The following SMG6 variants were observed in gnomAD, a reference collection of about 807,000 sequenced individuals.
SMG6 encodes telomerase-binding protein EST1A.
In SMG6, 66 loss-of-function variants were observed where a neutral mutation model predicts 142.2. That is an observed-to-expected ratio of 0.46 (90% CI 0.38 to 0.57). The LOEUF is 0.57. SMG6 is among the 20% of genes least tolerant of loss of function. SMG6 has a pLI of 0.00. For missense variants in SMG6, 1,793 were observed against 1,832.0 expected (o/e 0.98, Z 0.39); for synonymous variants, 779 against 702.4 (o/e 1.11, Z -1.72).
At chr17:2,262,642 C>T (rs1184949072) in intron 8 of SMG6, among the ~76,000 whole-genome samples, 2 of 152,212 alleles carry the variant, frequency 1.3e-5, no homozygotes, top group Non-Finnish European at 2.9e-5. Context: ...GGTCGCTCTA[C>T]CTGTTCACCC....
intron 13 of SMG6, among the ~76,000 whole-genome samples, chr17:2,113,579 A>G (rs1351101984): frequency 6.6e-6 from 1 of 152,194 alleles, no homozygotes; most frequent in Non-Finnish European, 1.5e-5. Flanking sequence ...TTTCTCTTAC[A>G]CAGCTGCCAA....
intron 13 of SMG6, among the ~76,000 whole-genome samples, chr17:2,128,086 T>C (rs1468282664): frequency 1.3e-5 from 2 of 152,164 alleles, no homozygotes; most frequent in Non-Finnish European, 2.9e-5. Context: ...CTGCAGGAAG[T>C]GAGTATAGGC....
rs1343763876 is a variant in SMG6, at chr17:2,151,426, C to CT, written c.3357+21231dup. On this transcript the variant is annotated intron_variant, in intron 13 of 18. Coordinates refer to ENST00000263073, the MANE Select transcript of SMG6 (RefSeq NM_017575.5). ...TGCTTACAAAAAGACATGCAAATAACTGAGATTCACGAAGGCTCAGAAATT... is the reference window on the plus strand; with the variant it reads ...TGCTTACAAAAAGACATGCAAATAACTTGAGATTCACGAAGGCTCAGAAATT... 2.0e-5 allele frequency among the ~76,000 whole-genome samples: 3 copies of CT among 152,148 alleles called. No homozygotes were observed. The East Asian group carries it at 5.8e-4, about 29-fold the overall frequency.
At chr17:2,186,256 C>CTAAA (rs1567667465) in intron 12 of SMG6, among the ~76,000 whole-genome samples, 3 of 111,180 alleles carry the variant, frequency 2.7e-5, no homozygotes, top group African/African-American at 9.3e-5. Flanking sequence ...TACCCTGTTT[C>CTAAA]AAAAAAAAAA....
chr17:2,243,674 T>C (rs1482769872), intron 9 of SMG6, among the ~76,000 whole-genome samples: 5 of 152,126 alleles, frequency 3.3e-5, no homozygotes, highest in Non-Finnish European at 7.4e-5. Context: ...AGCAAGGCTC[T>C]GTCTCAAAAA....
At chr17:2,266,087 C>CT in intron 8 of SMG6, 6 of 985,360 alleles carry the variant, frequency 6.1e-6, no homozygotes, top group Non-Finnish European at 7.2e-6. Flanking sequence ...GGATCTAGTA[C>CT]TTTCTGTTCA....
At chr17:2,162,622 G>T (rs1597496532) in intron 13 of SMG6, among the ~76,000 whole-genome samples, 1 of 151,666 alleles carries the variant, frequency 6.6e-6, no homozygotes, top group South Asian at 2.1e-4. Flanking sequence ...TTGAAGCCAG[G>T]AGTTCAAGAC....
Position 2,110,809 on chromosome 17 carries a change from C to A in SMG6, c.3358-24908G>T, listed in dbSNP as rs1197288781. On this transcript the variant is annotated intron_variant, in intron 13 of 18. Transcript: ENST00000263073. Reference sequence around the variant, plus strand: ...GCACGCTGCCCAGAAAGAGCTCCCACCCCAGAGGAATCAATATCAGGAGGG... The same window carrying A: ...GCACGCTGCCCAGAAAGAGCTCCCAACCCAGAGGAATCAATATCAGGAGGG... 2.0e-5 allele frequency among the ~76,000 whole-genome samples: 3 copies of A among 152,140 alleles called. 1 individual carries two copies. Among genetic ancestry groups the A allele is most frequent in the South Asian group, 2.1e-4 (1 of 4,824 alleles).
At chr17:2,211,523 G>A (rs904207653) in intron 10 of SMG6, among the ~76,000 whole-genome samples, 44 of 152,222 alleles carry the variant, frequency 2.9e-4, no homozygotes, top group African/African-American at 1.0e-3. Flanking sequence ...AATTAGCCGG[G>A]CGTGGTGGTG....
chr17:2,102,533 T>TA, intron 13 of SMG6, among the ~76,000 whole-genome samples: 1 of 140,158 alleles, frequency 7.1e-6, no homozygotes, highest in African/African-American at 2.7e-5. Context: ...ATTTCATTTT[T>TA]TTTTTTTTTT....
In SMG6 at chr17:2,061,610, C is replaced by T. The variant is rs1394713504; in HGVS notation, c.4142G>A (p.Arg1381Gln). The T allele has an allele frequency of 3.8e-6, 6 of 1,571,864 alleles. No individual in the cohort carries two copies. The highest frequency in any genetic ancestry group is 1.8e-5 in the Admixed American group (1 of 54,106). Reference sequence around the variant, plus strand: ...CAACAGCACCACCTCCCGCAGTAGCCGGATTGGCTCCTCTGTGGGCATGAG... The same window carrying T: ...CAACAGCACCACCTCCCGCAGTAGCTGGATTGGCTCCTCTGTGGGCATGAG... ...FMPASKEEPI[R>Q]LLREVVLLTD... The change falls in exon 19 of 19, where the codon CGG (arginine) becomes CAG (glutamine). Residue 1381 changes from arginine (R) to glutamine (Q), a missense_variant. Arg to Gln is a conservative substitution (Grantham distance 43). Coordinates refer to ENST00000263073, the MANE Select transcript of SMG6 (RefSeq NM_017575.5).
chr17:2,255,515 T>C (rs2074152289), intron 8 of SMG6, among the ~76,000 whole-genome samples: 1 of 151,874 alleles, frequency 6.6e-6, no homozygotes, highest in South Asian at 2.1e-4. Flanking sequence ...TTGTTCTGGA[T>C]GTTTAGAAAA....
Position 2,292,652 on chromosome 17 carries a change from G to A in SMG6, c.2259-22C>T, listed in dbSNP as rs183768144. The A allele has an allele frequency of 1.7e-3, 2,669 of 1,612,400 alleles. 9 individuals are homozygous for A. The highest frequency in any genetic ancestry group is 2.1e-3 in the Non-Finnish European group (2,460 of 1,178,778). ...CCAACTAGAACAGAAAAAACAGTAA[G>A]AAAATGCTAGTTCCAGATTAGCTTT... is the stretch of plus-strand genomic sequence containing the variant. On this transcript the variant is annotated intron_variant, in intron 5 of 18. Transcript: ENST00000263073.
In SMG6 at chr17:2,303,547, G is replaced by A. The variant is rs996512112; in HGVS notation, c.88+86C>T. The A allele has an allele frequency of 5.2e-6, 7 of 1,345,072 alleles. No individual in the cohort carries two copies. In the South Asian group the frequency reaches 5.5e-5, roughly 10 times the overall value. 83.3% of individuals were successfully genotyped at this position (1,345,072 alleles called of 1,614,324 possible). On this transcript the variant is annotated intron_variant, in intron 1 of 18. Transcript: ENST00000263073. ...GGGAAGGGGCGGGGGCTCCGGAGCCGAGGGCCGAGCGGGGAGGAGGCAGAG... is the reference window on the plus strand; with the variant it reads ...GGGAAGGGGCGGGGGCTCCGGAGCCAAGGGCCGAGCGGGGAGGAGGCAGAG...
At chr17:2,238,080 G>A (rs770431994) in intron 9 of SMG6, among the ~76,000 whole-genome samples, 1 of 152,074 alleles carries the variant, frequency 6.6e-6, no homozygotes, top group Non-Finnish European at 1.5e-5. Context: ...ACCCATCTCG[G>A]CCCTTCCCGA....
chr17:2,284,542 T>C (rs2074861340), intron 6 of SMG6, among the ~76,000 whole-genome samples: 1 of 152,214 alleles, frequency 6.6e-6, no homozygotes, highest in African/African-American at 2.4e-5. Context: ...TTCTCACTTT[T>C]TCTCCAACTT....
chr17:2,066,036 C>T (rs898548966), intron 16 of SMG6: 3 of 272,646 alleles, frequency 1.1e-5, no homozygotes, highest in Admixed American at 4.7e-5. Flanking sequence ...CCAGGGTATG[C>T]AGCAGCTCGA....
chr17:2,255,231 C>T (rs993320067), intron 8 of SMG6, among the ~76,000 whole-genome samples: 6 of 150,992 alleles, frequency 4.0e-5, no homozygotes, highest in South Asian at 2.1e-4. Flanking sequence ...GGTGAAACCC[C>T]GTCTCTACTA....
intron 10 of SMG6, among the ~76,000 whole-genome samples, chr17:2,223,916 GC>G (rs1323465893): frequency 6.6e-6 from 1 of 151,834 alleles, no homozygotes; most frequent in African/African-American, 2.4e-5. Flanking sequence ...GGCATCACAG[GC>G]AGAGCAAAAA....
Sources: allele counts gnomAD v4.1 joint callset (sites outside exome capture counted in the v4.1 genomes callset), GRCh38; gene constraint gnomAD v4.1.1; transcripts MANE v1.5; gene names NCBI Gene and HGNC (gene_info 2026-07-23, HGNC 2026-07-21).